The following ATG12 variants were observed in gnomAD, a reference collection of about 807,000 sequenced individuals.
ATG12 encodes the protein autophagy related 12.
A neutral mutation model predicts 17.6 loss-of-function variants in ATG12; 19 were observed. The ratio of observed to expected loss-of-function variants is 1.08; its 90% CI spans 0.75 to 1.58. The LOEUF (loss-of-function observed/expected upper bound fraction) is 1.58, where lower values mean the gene tolerates loss of function less well. Ranked by LOEUF, ATG12 falls within the 40% of genes most tolerant of loss-of-function variation. The probability of loss-of-function intolerance (pLI) is 0.00; values close to 1 mark genes in which losing one functional copy is unlikely to be tolerated. For missense variants in ATG12, 214 were observed against 162.0 expected (o/e 1.32, Z -1.74); for synonymous variants, 75 against 62.4 (o/e 1.20, Z -0.95).
At position 115,828,292 on chromosome 5, in the gene ATG12, AGTT is replaced by A. The variant is rs1467439543; in HGVS notation, c.*3509_*3511del. The stretch of plus-strand genomic sequence containing the variant: ...ATGACAGGTTATACGAACAAACTGA[AGTT>A]TATACTTACGTTTCAAGGTTTTTGA... On this transcript the variant is annotated 3_prime_UTR_variant, in exon 4 of 4. Coordinates refer to ENST00000509910, the MANE Select transcript of ATG12 (RefSeq NM_004707.4). 6.6e-6 allele frequency: 1 copy of A among 152,174 alleles called. No homozygotes were observed. Among genetic ancestry groups the A allele is most frequent in the African/African-American group, 2.4e-5 (1 of 41,454 alleles). The allele number at this position is 152,174 out of a possible 1,614,324, so 9.4% of individuals were successfully genotyped here.
At chr5:115,841,157 A>T in intron 1 of ATG12, 1 of 504,624 alleles carries the variant, frequency 2.0e-6, no homozygotes, top group East Asian at 4.8e-5. Flanking sequence ...ACAGTATAAA[A>T]ATAAGTGTGG....
chr5:115,834,321 CA>C (rs1761004311), intron 2 of ATG12: 1 of 152,140 alleles, frequency 6.6e-6, no homozygotes, highest in African/African-American at 2.4e-5. Context: ...GACAGAAAGA[CA>C]TAAATCTGTT....
rs1760753626 is a variant in ATG12 at position 115,829,008 on chromosome 5, T to C, written c.*2796A>G. The C allele has an allele frequency of 6.6e-6, 1 of 152,074 alleles. No individual in the cohort carries two copies. The highest frequency in any genetic ancestry group is 6.5e-5 in the Admixed American group (1 of 15,272). 9.4% of individuals were successfully genotyped at this position (152,074 alleles called of 1,614,324 possible). A position where few individuals can be genotyped will look rare whatever the true frequency, so the allele number is the denominator to read the frequency against. On this transcript the variant is annotated 3_prime_UTR_variant, in exon 4 of 4. Coordinates refer to ENST00000509910, the MANE Select transcript of ATG12 (RefSeq NM_004707.4). ...TGTAAGTAAACTGCACGAGCAGAAG[T>C]AGATAACAGAAAACACAAGGCATCT...
intron 1 of ATG12, chr5:115,839,081 C>G (rs1450408837): frequency 6.7e-6 from 1 of 149,602 alleles, no homozygotes; most frequent in Non-Finnish European, 1.5e-5. Context: ...CGAGATTAAG[C>G]CACTGCACTC....
chr5:115,838,191 G>A (rs1331557219), intron 1 of ATG12: 1 of 152,908 alleles, frequency 6.5e-6, no homozygotes, highest in Non-Finnish European at 1.5e-5. Context: ...TGGTAATACA[G>A]ATCCTAATAA....
intron 3 of ATG12, 47 bp downstream of exon 3, chr5:115,832,555 A>G (rs764746536): frequency 6.6e-7 from 1 of 1,505,614 alleles, no homozygotes; most frequent in Non-Finnish European, 8.8e-7. Context: ...TAAGAAAAAA[A>G]AGCAGTAATT....
intron 2 of ATG12, chr5:115,834,835 A>C (rs1334816971): frequency 2.0e-5 from 3 of 152,278 alleles, no homozygotes; most frequent in Admixed American, 2.0e-4. Context: ...TTTTAACAGA[A>C]TGCATCCTGA....
chr5:115,839,002 A>C lies in ATG12; in HGVS notation c.164-1238T>G, dbSNP rs189581352. On this transcript the variant is annotated intron_variant, in intron 1 of 3. Transcript: ENST00000509910. ...GCCAGGCGTGGTGGTGCATGCCCGT[A>C]ATCTCAGCTACTTGGGAGGCTGAGA... The C allele has an allele frequency of 5.9e-5, 9 of 152,242 alleles. No individual in the cohort carries two copies. The East Asian group carries it at 1.5e-3, about 26-fold the overall frequency. The allele number at this position is 152,242 out of a possible 1,614,324, so 9.4% of individuals were successfully genotyped here. A position where few individuals can be genotyped will look rare whatever the true frequency, so the allele number is the denominator to read the frequency against.
At chr5:115,836,239 A>G (rs539518662) in intron 2 of ATG12, among the ~76,000 whole-genome samples, 1 of 152,318 alleles carries the variant, frequency 6.6e-6, no homozygotes, top group African/African-American at 2.4e-5. Flanking sequence ...TCAACCTACT[A>G]TGTATTGGTA....
intron 1 of ATG12, chr5:115,840,504 G>C (rs1761346842): frequency 5.9e-6 from 4 of 683,482 alleles, no homozygotes; most frequent in Non-Finnish European, 8.4e-6. Context: ...TACCATGTTG[G>C]CCAGGCTGGT....
intron 1 of ATG12, chr5:115,840,647 A>T: frequency 8.0e-7 from 1 of 1,245,002 alleles, no homozygotes; most frequent in Non-Finnish European, 1.0e-6. Context: ...CTAAGGACGA[A>T]ATCAGCCTCT....
chr5:115,838,416 C>G (rs1466977754), intron 1 of ATG12: 2 of 152,222 alleles, frequency 1.3e-5, no homozygotes, highest in African/African-American at 4.8e-5. Flanking sequence ...GGTTCGAATC[C>G]TGGCTCTGCC....
intron 1 of ATG12, chr5:115,839,508 A>C (rs1226184543): frequency 6.6e-6 from 1 of 152,238 alleles, no homozygotes; most frequent in African/African-American, 2.4e-5. Context: ...CAGAAAGTGA[A>C]GCAGGAAATA....
At position 115,829,466 on chromosome 5, in the gene ATG12, T is replaced by C. The variant is rs1760772741; in HGVS notation, c.*2338A>G. 1 of 152,226 alleles carries C rather than the reference T, an allele frequency of 6.6e-6. No individual in the cohort carries two copies. The allele number at this position is 152,226 out of a possible 1,614,324, so 9.4% of individuals were successfully genotyped here. A position where few individuals can be genotyped will look rare whatever the true frequency, so the allele number is the denominator to read the frequency against. ...ATTAATTTGCCTTATTCCTTAAATA[T>C]GGTGAATTCATTATGAAGTCTTTGG... On this transcript the variant is annotated 3_prime_UTR_variant, in exon 4 of 4. Transcript: ENST00000509910.
Position 115,830,351 on chromosome 5 carries a change from A to G in ATG12, c.*1453T>C, listed in dbSNP as rs1241658167. ...CAGTGGCAAACAATACGAAAATTCA[A>G]CATATTTTTATTTGTTAAATATATG... is the stretch of plus-strand genomic sequence containing the variant. On this transcript the variant is annotated 3_prime_UTR_variant, in exon 4 of 4. Transcript: ENST00000509910. 6.6e-6 allele frequency: 1 copy of G among 152,154 alleles called. No homozygotes were observed. The highest frequency in any genetic ancestry group is 2.4e-5 in the African/African-American group (1 of 41,450). The allele number at this position is 152,154 out of a possible 1,614,324, so 9.4% of individuals were successfully genotyped here.
chr5:115,832,580 T>G (rs1245329997), intron 3 of ATG12, 22 bp downstream of exon 3: 15 of 1,358,574 alleles, frequency 1.1e-5, no homozygotes, highest in Admixed American at 3.7e-5. Context: ...TCTTTTTTTT[T>G]TTTTTTTTTT....
At chr5:115,836,159 GATTTA>G (rs1212672801) in intron 2 of ATG12, among the ~76,000 whole-genome samples, 2 of 152,040 alleles carry the variant, frequency 1.3e-5, no homozygotes, top group African/African-American at 4.8e-5. Context: ...CACTACAGAG[GATTTA>G]ATTTAACCCT....
chr5:115,832,394 T>C (rs1250760514), intron 3 of ATG12, among the ~76,000 whole-genome samples: 1 of 152,040 alleles, frequency 6.6e-6, no homozygotes, highest in Non-Finnish European at 1.5e-5. Flanking sequence ...AATTTATTAA[T>C]ATCTTTCTAT....
intron 2 of ATG12, among the ~76,000 whole-genome samples, chr5:115,836,714 GCTAT>G (rs1257300528): frequency 2.0e-5 from 3 of 152,060 alleles, no homozygotes; most frequent in Admixed American, 6.5e-5. Flanking sequence ...ATCCACTCAT[GCTAT>G]CTGAGTTAAT....
Sources: allele counts gnomAD v4.1 joint callset (sites outside exome capture counted in the v4.1 genomes callset), GRCh38; gene constraint gnomAD v4.1.1; transcripts MANE v1.5; gene names NCBI Gene and HGNC (gene_info 2026-07-23, HGNC 2026-07-21).